The following C13orf46 variants were observed in gnomAD, a reference collection of about 807,000 sequenced individuals.
The protein encoded by C13orf46 is uncharacterized protein C13orf46.
chr13:113,965,964 TATA>T (rs1397423193), intron 5 of C13orf46, among the ~76,000 whole-genome samples: 18,850 of 141,288 alleles, frequency 0.13, 1,634 homozygotes, highest in Middle Eastern at 0.26. Flanking sequence ...TGATGGTGAT[TATA>T]ATGTTGGTGA....
At chr13:113,935,896 C>T in the C13orf46 span, among the ~76,000 whole-genome samples, 13 of 152,256 alleles carry the variant, frequency 8.5e-5, no homozygotes, top group African/African-American at 2.9e-4. Context: ...CTTTATGAAT[C>T]GTGATCACAG....
downstream of C13orf46, among the ~76,000 whole-genome samples, chr13:113,951,825 G>A (rs1257704305): frequency 3.3e-5 from 5 of 152,240 alleles, no homozygotes; most frequent in East Asian, 1.9e-4. Flanking sequence ...CAGAGGGAAC[G>A]GGGCTCCAAG....
the C13orf46 span, among the ~76,000 whole-genome samples, chr13:113,929,862 C>T: frequency 7.2e-5 from 11 of 152,370 alleles, no homozygotes; most frequent in Non-Finnish European, 2.9e-5. Context: ...AATGGAAAAG[C>T]TGCATTCAGT....
In C13orf46 at chr13:113,955,810, AGACGAGGAGCAGCCG is replaced by A. The variant is rs2052524969; in HGVS notation, c.*948_*962del. 1 of 157,994 alleles carries A rather than the reference AGACGAGGAGCAGCCG, an allele frequency of 6.3e-6. No individual in the cohort carries two copies. The highest frequency in any genetic ancestry group is 6.8e-5 in the Admixed American group (1 of 14,810). The allele number at this position is 157,994 out of a possible 1,614,324, so 9.8% of individuals were successfully genotyped here. ...GGCGGAGACGAGGAGCAGCCGGCGG[AGACGAGGAGCAGCCG>A]GTGGAGACGAGGAGCATCTCGAGGA... On this transcript the variant is annotated 3_prime_UTR_variant, in exon 7 of 7. Coordinates refer to ENST00000636427, the MANE Select transcript of C13orf46 (RefSeq NM_001365455.2).
In C13orf46 at chr13:113,955,105, G is replaced by A. The variant is rs2052512995; in HGVS notation, c.*1668C>T. 3 of 233,486 alleles carry A rather than the reference G, an allele frequency of 1.3e-5. No individual in the cohort carries two copies. Among genetic ancestry groups the A allele is most frequent in the South Asian group, 4.5e-5 (1 of 22,230 alleles). 14.5% of individuals were successfully genotyped at this position (233,486 alleles called of 1,614,324 possible). A position where few individuals can be genotyped will look rare whatever the true frequency, so the allele number is the denominator to read the frequency against. ...CAGTGGGGATGAGGAGCAGCTGGTG[G>A]AGAGGAGCAGCAGCTGGTGGAGACG... On this transcript the variant is annotated 3_prime_UTR_variant, in exon 7 of 7. Coordinates refer to ENST00000636427, the MANE Select transcript of C13orf46 (RefSeq NM_001365455.2).
Position 113,955,036 on chromosome 13 carries a change from GATCTGGCGGAGAGGAGGAGC to G in C13orf46, c.*1717_*1736del. ...AGGATCTGGCGGAGAGGAGGAGTAG[GATCTGGCGGAGAGGAGGAGC>G]ATCCGGCGGGGATGAGGAGCATCCA... On this transcript the variant is annotated 3_prime_UTR_variant, in exon 7 of 7. Transcript: ENST00000636427. 6.9e-6 allele frequency: 1 copy of G among 145,728 alleles called. No homozygotes were observed. Among genetic ancestry groups the G allele is most frequent in the Non-Finnish European group, 1.4e-5 (1 of 70,450 alleles). 9.0% of individuals were successfully genotyped at this position (145,728 alleles called of 1,614,324 possible). A position where few individuals can be genotyped will look rare whatever the true frequency, so the allele number is the denominator to read the frequency against.
At chr13:113,957,560 T>C (rs2052548491) in intron 6 of C13orf46, among the ~76,000 whole-genome samples, 1 of 138,732 alleles carries the variant, frequency 7.2e-6, no homozygotes, top group Non-Finnish European at 1.5e-5. Context: ...GCACCCCCTT[T>C]CATCAAGCGC....
At chr13:113,958,612 C>G (rs1031287959) in intron 6 of C13orf46, among the ~76,000 whole-genome samples, 15 of 152,368 alleles carry the variant, frequency 9.8e-5, no homozygotes, top group African/African-American at 3.1e-4. Flanking sequence ...GTCCAGGAAC[C>G]GTGAACAGAA....
In C13orf46 at chr13:113,955,258, T is replaced by C. The variant is rs2052515532; in HGVS notation, c.*1515A>G. ...GAGCATCTGGCGGAGACGAGGAGCA[T>C]CTGGCGGAGAGGAGGAGTAGTATCT... On this transcript the variant is annotated 3_prime_UTR_variant, in exon 7 of 7. Transcript: ENST00000636427. 1.7e-5 allele frequency: 3 copies of C among 174,024 alleles called. No individual in the cohort carries two copies. Among genetic ancestry groups the C allele is most frequent in the African/African-American group, 2.8e-5 (1 of 35,096 alleles). 10.8% of individuals were successfully genotyped at this position (174,024 alleles called of 1,614,324 possible).
the C13orf46 span, among the ~76,000 whole-genome samples, chr13:113,947,090 CAGA>C: frequency 6.6e-6 from 1 of 152,230 alleles, no homozygotes; most frequent in African/African-American, 2.4e-5. Flanking sequence ...GGCAGCACTA[CAGA>C]AGGTGAGGTG....
At chr13:113,951,538 C>A (rs1478045710), downstream of C13orf46, among the ~76,000 whole-genome samples, 1 of 152,206 alleles carries the variant, frequency 6.6e-6, no homozygotes, top group African/African-American at 2.4e-5. Flanking sequence ...GACCTCAAGA[C>A]TGAAAGGCAT....
At chr13:113,952,585 TG>T, downstream of C13orf46, among the ~76,000 whole-genome samples, 1 of 152,182 alleles carries the variant, frequency 6.6e-6, no homozygotes, top group East Asian at 1.9e-4. Context: ...TGAGGCAGAC[TG>T]GGCCTGGGGC....
chr13:113,934,468 G>A, the C13orf46 span, among the ~76,000 whole-genome samples: 2 of 152,066 alleles, frequency 1.3e-5, no homozygotes, highest in Non-Finnish European at 2.9e-5. Flanking sequence ...TAGAAGAAGG[G>A]GTCTTGCAAT....
At chr13:113,948,576 T>C in the C13orf46 span, among the ~76,000 whole-genome samples, 52 of 152,194 alleles carry the variant, frequency 3.4e-4, no homozygotes, top group Admixed American at 1.4e-3. Context: ...CCAGATGTCT[T>C]GTCTTTGTCC....
chr13:113,962,054 G>A (rs1183409599), intron 6 of C13orf46, among the ~76,000 whole-genome samples: 1 of 152,212 alleles, frequency 6.6e-6, no homozygotes, highest in Non-Finnish European at 1.5e-5. Context: ...ATTGTGTTGG[G>A]CAGGTACAGG....
chr13:113,946,769 C>T, the C13orf46 span, among the ~76,000 whole-genome samples: 1 of 152,236 alleles, frequency 6.6e-6, no homozygotes, highest in Non-Finnish European at 1.5e-5. Flanking sequence ...TAGAGGGGTC[C>T]GAAGCCTGGT....
intron 6 of C13orf46, among the ~76,000 whole-genome samples, chr13:113,964,004 C>A (rs1459950822): frequency 6.6e-6 from 1 of 152,132 alleles, no homozygotes; most frequent in Non-Finnish European, 1.5e-5. Flanking sequence ...GCACCTGTCA[C>A]CACGCCCAGC....
At chr13:113,953,372 C>G (rs918959244), downstream of C13orf46, among the ~76,000 whole-genome samples, 1 of 152,188 alleles carries the variant, frequency 6.6e-6, no homozygotes, top group Admixed American at 6.5e-5. Context: ...AACTTTACCC[C>G]CCGTGGCAAC....
At chr13:113,943,777 G>C in the C13orf46 span, among the ~76,000 whole-genome samples, 2 of 152,230 alleles carry the variant, frequency 1.3e-5, no homozygotes, top group South Asian at 4.1e-4. Flanking sequence ...CCCTTGCAAC[G>C]TGAGGGAAGG....
Sources: allele counts gnomAD v4.1 joint callset (sites outside exome capture counted in the v4.1 genomes callset), GRCh38; gene constraint gnomAD v4.1.1; transcripts MANE v1.5; gene names NCBI Gene and HGNC (gene_info 2026-07-23, HGNC 2026-07-21).